Variants in RALGAPA2 observed in about 807,000 individuals in gnomAD.
RALGAPA2 encodes Ral GTPase activating protein catalytic subunit alpha 2, also known as ral GTPase-activating protein subunit alpha-2.
RALGAPA2 carries 139 observed loss-of-function variants against 230.4 expected under a neutral mutation model. The observed-to-expected ratio is 0.60, with a 90% CI of 0.53 to 0.69. The LOEUF (loss-of-function observed/expected upper bound fraction) is 0.69, where lower values mean the gene tolerates loss of function less well. Among genes scored for constraint, RALGAPA2 ranks in the 30% least tolerant of loss-of-function variants. The pLI is 0.00. For synonymous variants in RALGAPA2, 847 were observed against 837.8 expected, an observed-to-expected ratio of 1.01 and a Z score of -0.19; for missense variants, 2,163 against 2,276.0, an observed-to-expected ratio of 0.95 and a Z score of 1.01.
chr20:20,647,118 T>A (rs947290013), intron 4 of RALGAPA2, among the ~76,000 whole-genome samples: 1 of 152,236 alleles, frequency 6.6e-6, no homozygotes, highest in Non-Finnish European at 1.5e-5. Flanking sequence ...TTTGACAATT[T>A]CTCTTTGAAC....
intron 9 of RALGAPA2, among the ~76,000 whole-genome samples, chr20:20,632,875 C>CT (rs2066724441): frequency 6.6e-6 from 1 of 151,976 alleles, no homozygotes; most frequent in Admixed American, 6.6e-5. Flanking sequence ...GATATTAACT[C>CT]TTTTAACAGT....
At chr20:20,397,828 C>T (rs893041916) in intron 38 of RALGAPA2, among the ~76,000 whole-genome samples, 11 of 152,184 alleles carry the variant, frequency 7.2e-5, no homozygotes, top group Admixed American at 1.3e-4. Context: ...AAAATTGTCC[C>T]TTTCTCCCAA....
chr20:20,600,665 T>G (rs1293835508), intron 16 of RALGAPA2, among the ~76,000 whole-genome samples: 1 of 152,246 alleles, frequency 6.6e-6, no homozygotes, highest in Admixed American at 6.5e-5. Flanking sequence ...TGCGACTTTC[T>G]GAAGTCAACA....
intron 33 of RALGAPA2, among the ~76,000 whole-genome samples, chr20:20,510,848 C>T (rs989841886): frequency 3.3e-5 from 5 of 152,272 alleles, no homozygotes; most frequent in Admixed American, 6.5e-5. Flanking sequence ...AGAATGTTAG[C>T]GCCTTGATAC....
intron 37 of RALGAPA2, among the ~76,000 whole-genome samples, chr20:20,419,475 T>C (rs2060232478): frequency 6.6e-6 from 1 of 152,146 alleles, no homozygotes; most frequent in African/African-American, 2.4e-5. Flanking sequence ...GACAGTACTA[T>C]TTTTAGGGAT....
chr20:20,685,564 C>T (rs1001416289), intron 1 of RALGAPA2, among the ~76,000 whole-genome samples: 6 of 152,182 alleles, frequency 3.9e-5, no homozygotes, highest in African/African-American at 1.4e-4. Context: ...GGGACGTCAA[C>T]AGAACCCCTG....
Position 20,465,197 on chromosome 20 carries a change from A to ACACACACACACTCT in RALGAPA2, c.5495+7631_5495+7632insAGAGTGTGTGTGTG, listed in dbSNP as rs772089136. Among the ~76,000 whole-genome samples, 106 of 147,414 alleles carry ACACACACACACTCT rather than the reference A, an allele frequency of 7.2e-4. 1 individual carries two copies. The highest frequency in any genetic ancestry group is 4.4e-3 in the Admixed American group (65 of 14,714). ...CACACACACACACACACACACACAC[A>ACACACACACACTCT]CTCTCTCATACTAGGGGACAGCAGC... On this transcript the variant is annotated intron_variant, in intron 37 of 39. Transcript: ENST00000202677.
chr20:20,619,294 C>G lies in RALGAPA2; in HGVS notation c.1522G>C (p.Val508Leu). 6.2e-7 allele frequency: 1 copy of G among 1,607,674 alleles called. No individual in the cohort carries two copies. The highest frequency in any genetic ancestry group is 1.1e-5 in the South Asian group (1 of 90,004). The change falls in exon 12 of 40, where the codon GTC becomes CTC. Residue 508 changes from valine (V) to leucine (L), a missense_variant. Physicochemically the swap from Val to Leu is conservative, Grantham distance 32. Transcript: ENST00000202677. ...CCACATACCTGCAACAAAGCCTGGACGCCGGCTTTCACATTTGTATTTTCC... is the reference window on the plus strand; with the variant it reads ...CCACATACCTGCAACAAAGCCTGGAGGCCGGCTTTCACATTTGTATTTTCC... ...EEENTNVKAG[V>L]QALLQVFLTN...
At position 20,696,027 on chromosome 20, in the gene RALGAPA2, C is replaced by G. The variant is rs575978388; in HGVS notation, c.107-15226G>C. On this transcript the variant is annotated intron_variant, in intron 1 of 39. Transcript: ENST00000202677. ...TTTAATATGCCTGCTCTCTGCCTGT[C>G]AGTAGATTTGGGGATAACAGCAAGC... Among the ~76,000 whole-genome samples, 3 of 152,226 alleles carry G rather than the reference C, an allele frequency of 2.0e-5. No homozygotes were observed. The South Asian group carries it at 6.2e-4, about 32-fold the overall frequency.
intron 37 of RALGAPA2, among the ~76,000 whole-genome samples, chr20:20,434,738 C>T (rs1235493145): frequency 6.6e-6 from 1 of 152,048 alleles, no homozygotes; most frequent in Admixed American, 6.5e-5. Flanking sequence ...GAGTTTGAGG[C>T]CAGTCTGGAC....
chr20:20,430,476 A>G (rs2060477770), intron 37 of RALGAPA2, among the ~76,000 whole-genome samples: 1 of 152,200 alleles, frequency 6.6e-6, no homozygotes, highest in African/African-American at 2.4e-5. Flanking sequence ...TTTCATGAGA[A>G]GTGTTTTTCT....
intron 9 of RALGAPA2, among the ~76,000 whole-genome samples, chr20:20,632,076 G>A (rs1471496075): frequency 6.6e-6 from 1 of 151,518 alleles, no homozygotes; most frequent in East Asian, 1.9e-4. Context: ...CCAGGCTGGA[G>A]TGCAGTGGCT....
chr20:20,684,516 T>C (rs1375116946), intron 1 of RALGAPA2, among the ~76,000 whole-genome samples: 1 of 152,144 alleles, frequency 6.6e-6, no homozygotes, highest in Non-Finnish European at 1.5e-5. Context: ...ATCCAATATC[T>C]TTCTTGTGGA....
intron 37 of RALGAPA2, among the ~76,000 whole-genome samples, chr20:20,412,674 C>T (rs189303624): frequency 3.3e-5 from 5 of 152,216 alleles, no homozygotes; most frequent in Admixed American, 2.0e-4. Context: ...CTAACCAAGA[C>T]AAGCTGTGAA....
chr20:20,447,226 G>A (rs1016961218), intron 37 of RALGAPA2, among the ~76,000 whole-genome samples: 1 of 152,180 alleles, frequency 6.6e-6, no homozygotes, highest in Admixed American at 6.5e-5. Flanking sequence ...TGCTAACATG[G>A]CAAGCAATTC....
At chr20:20,703,804 T>C (rs2069490798) in intron 1 of RALGAPA2, among the ~76,000 whole-genome samples, 2 of 152,214 alleles carry the variant, frequency 1.3e-5, no homozygotes, top group African/African-American at 4.8e-5. Context: ...ATGGACGACA[T>C]GGCGGGTTCC....
At chr20:20,550,357 A>C (rs1477821689) in intron 23 of RALGAPA2, among the ~76,000 whole-genome samples, 1 of 152,200 alleles carries the variant, frequency 6.6e-6, no homozygotes, top group Admixed American at 6.5e-5. Flanking sequence ...GACAGTAATC[A>C]ATGCTGCTAA....
At chr20:20,640,593 C>T in intron 6 of RALGAPA2, 108 bp downstream of exon 6, 1 of 1,096,828 alleles carries the variant, frequency 9.1e-7, no homozygotes, top group Non-Finnish European at 1.3e-6. Context: ...GGAATAATTC[C>T]TCTTCAGACT....
At chr20:20,606,547 C>T (rs1051086494) in intron 14 of RALGAPA2, among the ~76,000 whole-genome samples, 45 of 152,206 alleles carry the variant, frequency 3.0e-4, no homozygotes, top group Admixed American at 2.4e-3. Flanking sequence ...CCTCTCTTTC[C>T]TCCTTTTTGT....
Sources: allele counts gnomAD v4.1 joint callset (sites outside exome capture counted in the v4.1 genomes callset), GRCh38; gene constraint gnomAD v4.1.1; transcripts MANE v1.5; gene names NCBI Gene and HGNC (gene_info 2026-07-23, HGNC 2026-07-21).